CSMD1: variants seen among roughly 807,000 people sequenced by gnomAD.
CSMD1 encodes CUB and Sushi multiple domains 1.
CSMD1 carries 213 observed loss-of-function variants against 417.5 expected under a neutral mutation model. That is an observed-to-expected ratio of 0.51 (90% CI 0.46 to 0.57). The LOEUF (loss-of-function observed/expected upper bound fraction) is 0.57. Among genes scored for constraint, CSMD1 ranks in the 20% least tolerant of loss-of-function variants. The pLI is 0.00. For missense variants in CSMD1, 6,923 were observed against 4,529.7 expected, an observed-to-expected ratio of 1.53 and a Z score of -15.17; for synonymous variants, 2,862 against 1,736.8, an observed-to-expected ratio of 1.65 and a Z score of -16.11.
intron 3 of CSMD1, among the ~76,000 whole-genome samples, chr8:4,179,803 T>G (rs866941297): frequency 5.3e-5 from 8 of 152,122 alleles, no homozygotes; most frequent in Non-Finnish European, 1.5e-5. Flanking sequence ...AAGACATTTA[T>G]GCAGCCAAAA....
At chr8:4,120,727 G>C (rs1802439485) in intron 3 of CSMD1, among the ~76,000 whole-genome samples, 1 of 152,206 alleles carries the variant, frequency 6.6e-6, no homozygotes, top group African/African-American at 2.4e-5. Flanking sequence ...GGCTCATGCA[G>C]AGAATGTCAG....
intron 12 of CSMD1, among the ~76,000 whole-genome samples, chr8:3,410,761 C>T (rs553417992): frequency 2.1e-3 from 313 of 152,232 alleles, no homozygotes; most frequent in African/African-American, 7.1e-3. Flanking sequence ...TTTTTTGAGA[C>T]AGGATCTCAC....
chr8:3,018,598 C>T lies in CSMD1; in HGVS notation c.7908G>A (p.Thr2636=), dbSNP rs374916113. ...SFPPNGNKIG[T]LTVYGATAIF... ...TAGCTGTGGCCCCATAAACTGTCAA[C>T]GTTCCAATCTTGTTGCCATTTGGGG... Residue 2636 remains threonine, a synonymous_variant, in exon 52 of 70, where the codon ACG becomes ACA. Transcript: ENST00000635120. 5.6e-5 allele frequency: 91 copies of T among 1,613,300 alleles called. No homozygotes were observed. The highest frequency in any genetic ancestry group is 3.3e-4 in the Middle Eastern group (2 of 6,084).
At chr8:4,247,672 T>C (rs1009063387) in intron 3 of CSMD1, among the ~76,000 whole-genome samples, 2 of 152,192 alleles carry the variant, frequency 1.3e-5, no homozygotes, top group Non-Finnish European at 2.9e-5. Flanking sequence ...AAATTAATTT[T>C]GTAATGTATG....
intron 3 of CSMD1, among the ~76,000 whole-genome samples, chr8:4,097,540 AAGAC>A (rs1002597024): frequency 1.9e-4 from 29 of 152,202 alleles, no homozygotes; most frequent in Middle Eastern, 6.3e-3. Context: ...GATTCACCTC[AAGAC>A]AGAAAGTCAG....
intron 3 of CSMD1, among the ~76,000 whole-genome samples, chr8:4,049,053 A>C (rs888985214): frequency 1.3e-5 from 2 of 152,118 alleles, no homozygotes; most frequent in South Asian, 2.1e-4. Flanking sequence ...ACAACTCTCA[A>C]AACAGTCCTT....
chr8:4,119,340 C>A (rs1035837437), intron 3 of CSMD1, among the ~76,000 whole-genome samples: 4 of 152,196 alleles, frequency 2.6e-5, no homozygotes, highest in African/African-American at 9.7e-5. Flanking sequence ...GGTACATCCA[C>A]AGCAGGGAAT....
At position 3,155,651 on chromosome 8, in the gene CSMD1, G is replaced by A. The variant is rs1214878320; in HGVS notation, c.5914+2246C>T. ...CAAAGTGCTGGGATTACAGGCGTGA[G>A]CCACCGCGCCCGGTCAAGGCTGGGA... On this transcript the variant is annotated intron_variant, in intron 39 of 69. Transcript: ENST00000635120. Among the ~76,000 whole-genome samples, 4 of 151,692 alleles carry A rather than the reference G, an allele frequency of 2.6e-5. 1 individual carries two copies. Among genetic ancestry groups the A allele is most frequent in the African/African-American group, 9.7e-5 (4 of 41,302 alleles).
intron 3 of CSMD1, among the ~76,000 whole-genome samples, chr8:4,131,458 T>C (rs1803098393): frequency 6.6e-6 from 1 of 152,196 alleles, no homozygotes; most frequent in Non-Finnish European, 1.5e-5. Flanking sequence ...ACGATTAAAC[T>C]TCTTAAAAAA....
At chr8:4,541,412 T>G (rs1018398622) in intron 2 of CSMD1, among the ~76,000 whole-genome samples, 10 of 152,158 alleles carry the variant, frequency 6.6e-5, no homozygotes, top group Admixed American at 6.5e-4. Context: ...GCCTTCACCT[T>G]TGCACTTCTA....
intron 7 of CSMD1, among the ~76,000 whole-genome samples, chr8:3,667,075 T>C (rs958631847): frequency 6.6e-6 from 1 of 152,158 alleles, no homozygotes; most frequent in African/African-American, 2.4e-5. Context: ...TAAATGATTA[T>C]TGAGTGCTTG....
intron 5 of CSMD1, among the ~76,000 whole-genome samples, chr8:3,992,342 T>G (rs184678829): frequency 1.3e-5 from 2 of 152,342 alleles, no homozygotes; most frequent in Non-Finnish European, 2.9e-5. Flanking sequence ...GACAGTTTTG[T>G]AATCTTATTT....
At chr8:4,131,450 G>T (rs186576863) in intron 3 of CSMD1, among the ~76,000 whole-genome samples, 3 of 152,074 alleles carry the variant, frequency 2.0e-5, no homozygotes, top group East Asian at 1.9e-4. Context: ...TCAAATATAC[G>T]ATTAAACTTC....
chr8:4,018,589 AC>A (rs1301077440), intron 4 of CSMD1, among the ~76,000 whole-genome samples: 5 of 152,104 alleles, frequency 3.3e-5, no homozygotes, highest in East Asian at 1.9e-4. Flanking sequence ...GGCAACCAGC[AC>A]CCCCTGCCCC....
chr8:4,009,037 A>T (rs1816352074), intron 4 of CSMD1, among the ~76,000 whole-genome samples: 1 of 152,186 alleles, frequency 6.6e-6, no homozygotes, highest in Non-Finnish European at 1.5e-5. Flanking sequence ...AATTATTTTT[A>T]AAAATATTTT....
chr8:4,662,481 C>T (rs755664104), intron 1 of CSMD1, among the ~76,000 whole-genome samples: 2 of 152,162 alleles, frequency 1.3e-5, no homozygotes, highest in Non-Finnish European at 2.9e-5. Context: ...CACTTTGTTT[C>T]TGCAGACTGG....
intron 3 of CSMD1, among the ~76,000 whole-genome samples, chr8:4,093,355 A>G (rs773323802): frequency 2.0e-5 from 3 of 152,230 alleles, no homozygotes; most frequent in Admixed American, 6.5e-5. Context: ...AAGAATAATG[A>G]AAGTTAAATT....
intron 3 of CSMD1, among the ~76,000 whole-genome samples, chr8:4,116,108 C>G (rs1802130341): frequency 6.6e-6 from 1 of 151,842 alleles, no homozygotes; most frequent in Admixed American, 6.6e-5. Flanking sequence ...AAGCGATTTT[C>G]CTACCTCCCA....
intron 19 of CSMD1, among the ~76,000 whole-genome samples, chr8:3,369,045 C>A (rs1489532913): frequency 6.6e-6 from 1 of 152,182 alleles, no homozygotes; most frequent in Non-Finnish European, 1.5e-5. Flanking sequence ...ATCTGATAAA[C>A]AGAGAGCAAA....
Sources: gnomAD v4.1 joint callset for allele counts (sites outside exome capture counted in the v4.1 genomes callset) on GRCh38, gnomAD v4.1.1 for gene constraint, MANE v1.5 for transcripts, NCBI Gene and HGNC (gene_info 2026-07-23, HGNC 2026-07-21) for gene names.